The following KAT6B variants were observed in gnomAD, a reference collection of about 807,000 sequenced individuals.
The protein encoded by KAT6B is lysine acetyltransferase 6B.
In KAT6B, 10 loss-of-function variants were observed where a neutral mutation model predicts 187.5. The observed-to-expected ratio is 0.05, with a 90% confidence interval of 0.03 to 0.09. The LOEUF is 0.09. Ranked by LOEUF, KAT6B falls within the 10% of genes least tolerant of loss-of-function variation. The pLI is 1.00. For synonymous variants in KAT6B, 861 were observed against 926.8 expected, an observed-to-expected ratio of 0.93 and a Z score of 1.29; for missense variants, 1,952 against 2,558.9, an observed-to-expected ratio of 0.76 and a Z score of 5.12.
intron 3 of KAT6B, among the ~76,000 whole-genome samples, chr10:74,931,754 A>G (rs1403479240): frequency 1.3e-5 from 2 of 152,234 alleles, no homozygotes; most frequent in African/African-American, 4.8e-5. Flanking sequence ...TCTGTTGCTC[A>G]GGCTGGAGTG....
At chr10:74,828,003 A>G (rs1474777797) in intron 1 of KAT6B, among the ~76,000 whole-genome samples, 1 of 152,028 alleles carries the variant, frequency 6.6e-6, no homozygotes, top group Non-Finnish European at 1.5e-5. Flanking sequence ...TCTTCAAGGG[A>G]GTGTCCGGCA....
intron 3 of KAT6B, among the ~76,000 whole-genome samples, chr10:74,957,022 A>G (rs1243219815): frequency 8.5e-5 from 13 of 152,240 alleles, no homozygotes; most frequent in Admixed American, 8.5e-4. Flanking sequence ...TACCTGTAGT[A>G]GATTTGTATA....
chr10:74,922,103 A>G (rs1848182373), intron 3 of KAT6B, among the ~76,000 whole-genome samples: 2 of 152,126 alleles, frequency 1.3e-5, no homozygotes, highest in Admixed American at 1.3e-4. Context: ...TAGCTTCTGT[A>G]GATGTGTCTA....
chr10:74,976,649 T>C, intron 8 of KAT6B: 1 of 408,034 alleles, frequency 2.5e-6, no homozygotes, highest in South Asian at 2.1e-5. Flanking sequence ...CTGCCATGCT[T>C]CTGCCATGCT....
intron 3 of KAT6B, among the ~76,000 whole-genome samples, chr10:74,955,068 C>G (rs1459409483): frequency 1.3e-5 from 2 of 152,136 alleles, no homozygotes; most frequent in African/African-American, 4.8e-5. Flanking sequence ...CATGGATGCT[C>G]AAGTCCCTTA....
chr10:74,839,378 A>G (rs1366087085), intron 2 of KAT6B, among the ~76,000 whole-genome samples: 1 of 151,562 alleles, frequency 6.6e-6, no homozygotes, highest in African/African-American at 2.4e-5. Context: ...TTACAGGCGC[A>G]TGCCACCATG....
At chr10:74,887,909 T>C (rs528525156) in intron 3 of KAT6B, among the ~76,000 whole-genome samples, 1 of 151,926 alleles carries the variant, frequency 6.6e-6, no homozygotes, top group East Asian at 1.9e-4. Context: ...TGAGGCACTT[T>C]GGGGAGATTG....
chr10:74,948,044 A>G (rs916293253), intron 3 of KAT6B, among the ~76,000 whole-genome samples: 1 of 152,256 alleles, frequency 6.6e-6, no homozygotes, highest in South Asian at 2.1e-4. Context: ...AAACAAGGTC[A>G]GAGCTCTTGA....
intron 10 of KAT6B, among the ~76,000 whole-genome samples, chr10:74,981,289 G>GGCTT (rs1444656627): frequency 1.4e-5 from 2 of 143,038 alleles, no homozygotes; most frequent in South Asian, 2.3e-4. Context: ...ACTATTGGCT[G>GGCTT]GCTTTCTTTC....
chr10:75,019,718 G>A (rs1029660179), intron 13 of KAT6B, among the ~76,000 whole-genome samples: 3 of 151,298 alleles, frequency 2.0e-5, no homozygotes, highest in Non-Finnish European at 4.4e-5. Flanking sequence ...TGAGACAGCC[G>A]CCAGCTTTCA....
intron 3 of KAT6B, among the ~76,000 whole-genome samples, chr10:74,899,732 C>T (rs983844969): frequency 2.6e-5 from 4 of 151,994 alleles, no homozygotes; most frequent in Admixed American, 6.6e-5. Flanking sequence ...AAGTAAGTGA[C>T]CTTAGGGCAG....
intron 3 of KAT6B, among the ~76,000 whole-genome samples, chr10:74,914,227 T>A (rs1847478238): frequency 6.6e-6 from 1 of 152,070 alleles, no homozygotes; most frequent in Non-Finnish European, 1.5e-5. Flanking sequence ...ACTTATTTAG[T>A]AAGTCCATAG....
intron 3 of KAT6B, among the ~76,000 whole-genome samples, chr10:74,867,338 C>T (rs940978620): frequency 2.6e-5 from 4 of 151,874 alleles, no homozygotes; most frequent in Non-Finnish European, 5.9e-5. Context: ...TTTTTTCTTG[C>T]TACATTGTTC....
chr10:74,858,420 G>A (rs1280670921), intron 3 of KAT6B, among the ~76,000 whole-genome samples: 1 of 151,852 alleles, frequency 6.6e-6, no homozygotes, highest in Non-Finnish European at 1.5e-5. Flanking sequence ...GGAACTACAG[G>A]GGCGTGTGCC....
At chr10:74,947,236 G>A (rs187515370) in intron 3 of KAT6B, among the ~76,000 whole-genome samples, 19 of 152,188 alleles carry the variant, frequency 1.2e-4, no homozygotes, top group Admixed American at 7.9e-4. Flanking sequence ...TGATCTGCCC[G>A]CCTTGGCCTC....
chr10:75,006,021 G>A (rs1226958285), intron 13 of KAT6B, among the ~76,000 whole-genome samples: 1 of 152,156 alleles, frequency 6.6e-6, no homozygotes, highest in Non-Finnish European at 1.5e-5. Flanking sequence ...ACAGGCGGAC[G>A]TCAGTCTCCA....
chr10:74,894,492 G>A (rs1845854656), intron 3 of KAT6B, among the ~76,000 whole-genome samples: 1 of 152,140 alleles, frequency 6.6e-6, no homozygotes, highest in Admixed American at 6.5e-5. Flanking sequence ...TTAACTGTAT[G>A]CAACAGTTAG....
At chr10:74,830,756 A>G (rs1490328204) in intron 1 of KAT6B, among the ~76,000 whole-genome samples, 2 of 25,996 alleles carry the variant, frequency 7.7e-5, no homozygotes, top group African/African-American at 5.0e-4. Context: ...ATATATATAT[A>G]TATATATATA....
At chr10:74,976,481 T>C (rs975376163) in intron 8 of KAT6B, 151 bp downstream of exon 8, 1 of 730,886 alleles carries the variant, frequency 1.4e-6, no homozygotes, top group Admixed American at 2.2e-5. Flanking sequence ...GCAGTGAAAC[T>C]TTGACCTTTT....
Sources: gnomAD v4.1 joint callset for allele counts (sites outside exome capture counted in the v4.1 genomes callset) on GRCh38, gnomAD v4.1.1 for gene constraint, MANE v1.5 for transcripts, NCBI Gene and HGNC (gene_info 2026-07-23, HGNC 2026-07-21) for gene names.